Variants in PI4KA observed in about 807,000 individuals in gnomAD.
The protein encoded by PI4KA is phosphatidylinositol 4-kinase alpha.
PI4KA carries 122 observed loss-of-function variants against 271.4 expected under a neutral mutation model. The observed-to-expected ratio is 0.45, with a 90% CI of 0.39 to 0.52. The LOEUF is 0.52. Among genes scored for constraint, PI4KA ranks in the 20% least tolerant of loss-of-function variants. PI4KA has a pLI of 0.00. For missense variants in PI4KA, 1,969 were observed against 2,769.1 expected, an observed-to-expected ratio of 0.71 and a Z score of 6.48; for synonymous variants, 1,041 against 1,078.8, an observed-to-expected ratio of 0.96 and a Z score of 0.69.
At chr22:20,826,675 G>T (rs1242515583) in intron 3 of PI4KA, among the ~76,000 whole-genome samples, 1 of 152,156 alleles carries the variant, frequency 6.6e-6, no homozygotes, top group African/African-American at 2.4e-5. Context: ...CCAGCAGTGT[G>T]TAAGTGTTCC....
intron 48 of PI4KA, 130 bp downstream of exon 48, chr22:20,713,151 G>A (rs1304812992): frequency 5.2e-6 from 4 of 769,854 alleles, no homozygotes; most frequent in Admixed American, 2.1e-5. Context: ...TTTACCCCGT[G>A]GCACCTGAAC....
At position 20,765,100 on chromosome 22, in the gene PI4KA, G is replaced by A. The variant is rs528920395; in HGVS notation, c.2574C>T (p.Pro858=). The A allele has an allele frequency of 5.6e-5, 91 of 1,611,620 alleles. No individual in the cohort carries two copies. Among genetic ancestry groups the A allele is most frequent in the Non-Finnish European group, 6.8e-5 (80 of 1,178,508 alleles). Residue 858 remains proline, a splice_region_variant and synonymous_variant, in exon 21 of 55, where the codon CCC becomes CCT. Coordinates refer to ENST00000255882, the MANE Select transcript of PI4KA (RefSeq NM_058004.4). ...GTAAAAATGAGATGTGAATCCTTAC[G>A]GGGGTGACCGTGTCATTCTTCATGG... ...NSAMKNDTVT[P]AELSELRSTI... is the part of the protein sequence containing the mutation.
At chr22:20,744,494 C>CG in intron 30 of PI4KA, 134 bp downstream of exon 30, 1 of 627,696 alleles carries the variant, frequency 1.6e-6, no homozygotes, top group Non-Finnish European at 2.8e-6. Context: ...AAAATGTGCT[C>CG]TTTAAATCCT....
chr22:20,792,699 C>T (rs951003022), intron 19 of PI4KA, among the ~76,000 whole-genome samples: 4 of 152,198 alleles, frequency 2.6e-5, no homozygotes, highest in Admixed American at 2.0e-4. Flanking sequence ...CTCTCCAACA[C>T]GATGGTGCCA....
intron 13 of PI4KA, among the ~76,000 whole-genome samples, chr22:20,802,644 T>G (rs1188808528): frequency 1.3e-5 from 2 of 152,198 alleles, no homozygotes; most frequent in Non-Finnish European, 2.9e-5. Flanking sequence ...CAAGCCATCC[T>G]ACAACTTCAG....
At chr22:20,718,541 C>T in intron 44 of PI4KA, 152 bp downstream of exon 44, 1 of 898,936 alleles carries the variant, frequency 1.1e-6, no homozygotes, top group Admixed American at 2.3e-5. Flanking sequence ...CCTGGCTGTC[C>T]ATCAGAACCA....
chr22:20,737,742 C>T (rs1179229899), intron 32 of PI4KA, among the ~76,000 whole-genome samples: 1 of 151,936 alleles, frequency 6.6e-6, no homozygotes, highest in Non-Finnish European at 1.5e-5. Flanking sequence ...AGCGATTCTC[C>T]TGCCTCAGCC....
intron 19 of PI4KA, among the ~76,000 whole-genome samples, chr22:20,792,481 A>C (rs1196800094): frequency 1.3e-5 from 2 of 152,204 alleles, no homozygotes; most frequent in Non-Finnish European, 2.9e-5. Flanking sequence ...GGTGAGGAGG[A>C]GGGAAGGCAC....
chr22:20,858,691 C>T lies in PI4KA; in HGVS notation c.35G>A (p.Gly12Glu). 1 of 1,469,246 alleles carries T rather than the reference C, an allele frequency of 6.8e-7. No homozygotes were observed. Among genetic ancestry groups the T allele is most frequent in the Non-Finnish European group, 9.0e-7 (1 of 1,115,712 alleles). 91.0% of individuals were successfully genotyped at this position (1,469,246 alleles called of 1,614,324 possible). A position where few individuals can be genotyped will look rare whatever the true frequency, so the allele number is the denominator to read the frequency against. The change falls in exon 1 of 55, where the codon GGA (glycine) becomes GAA (glutamate). Residue 12 changes from glycine to glutamate, a missense_variant. Gly to Glu is a moderately conservative substitution (Grantham distance 98, BLOSUM62 -2). Transcript: ENST00000255882. The part of the protein sequence containing the change: ...AAAPARGGGG[G>E]GGGGGGCSGS... ...GGAGCAGCCGCCGCCGCCTCCGCCT[C>T]CGCCTCCGCCTCCCCGGGCCGGGGC...
At chr22:20,842,201 C>T (rs1186573903) in intron 1 of PI4KA, among the ~76,000 whole-genome samples, 1 of 151,726 alleles carries the variant, frequency 6.6e-6, no homozygotes, top group Non-Finnish European at 1.5e-5. Context: ...GCACTCCAGC[C>T]TGGGCAACAG....
chr22:20,799,289 G>A lies in PI4KA; in HGVS notation c.1821-13C>T, dbSNP rs995271866. The A allele has an allele frequency of 6.6e-7, 1 of 1,510,728 alleles. No homozygotes were observed. Among genetic ancestry groups the A allele is most frequent in the Non-Finnish European group, 8.8e-7 (1 of 1,133,438 alleles). The allele number at this position is 1,510,728 out of a possible 1,614,324, so 93.6% of individuals were successfully genotyped here. On this transcript the variant is annotated splice_polypyrimidine_tract_variant and intron_variant, in intron 15 of 54. Transcript: ENST00000255882. ...CAAGTGAGCGTCCCTACAGAAGGAA[G>A]AACAGAAGCGCCCTAGCAACAGTCC...
At position 20,707,807 on chromosome 22, in the gene PI4KA, A is replaced by G. The variant is rs940312923; in HGVS notation, c.*240T>C. On this transcript the variant is annotated 3_prime_UTR_variant, in exon 55 of 55. Transcript: ENST00000255882. ...AATAAGACAGGTAGGGAATATGTCC[A>G]GTGCAAACAGAGGACTCACACCTGT... 41 of 599,946 alleles carry G rather than the reference A, an allele frequency of 6.8e-5. No individual in the cohort carries two copies. The African/African-American group carries it at 7.3e-4, about 11-fold the overall frequency. The allele number at this position is 599,946 out of a possible 1,614,324, so 37.2% of individuals were successfully genotyped here. A position where few individuals can be genotyped will look rare whatever the true frequency, so the allele number is the denominator to read the frequency against.
At chr22:20,720,484 C>CA (rs892806978) in intron 43 of PI4KA, among the ~76,000 whole-genome samples, 36 of 152,192 alleles carry the variant, frequency 2.4e-4, no homozygotes, top group Admixed American at 2.1e-3. Context: ...CCCAGGTGGT[C>CA]AAGGCTGCAG....
chr22:20,761,394 G>T lies in PI4KA; in HGVS notation c.2709-8C>A. 1 of 1,592,244 alleles carries T rather than the reference G, an allele frequency of 6.3e-7. No homozygotes were observed. Among genetic ancestry groups the T allele is most frequent in the South Asian group, 1.1e-5 (1 of 90,656 alleles). ...TCTGTTGAACGCAGTACCCTAAGAA[G>T]AAAACAGCTTTAAATAAATTTTGAA... On this transcript the variant is annotated splice_polypyrimidine_tract_variant and splice_region_variant and intron_variant, in intron 22 of 54. Transcript: ENST00000255882.
Position 20,858,779 on chromosome 22 carries a change from G to A in PI4KA, c.-54C>T, listed in dbSNP as rs1054470663. 6 of 1,365,986 alleles carry A rather than the reference G, an allele frequency of 4.4e-6. No homozygotes were observed. The highest frequency in any genetic ancestry group is 3.0e-5 in the African/African-American group (2 of 65,616). 84.6% of individuals were successfully genotyped at this position (1,365,986 alleles called of 1,614,324 possible). A position where few individuals can be genotyped will look rare whatever the true frequency, so the allele number is the denominator to read the frequency against. On this transcript the variant is annotated 5_prime_UTR_variant, in exon 1 of 55. Transcript: ENST00000255882. ...GGCTCCCCGCTCCTGGCCCGCGAGC[G>A]CCCGACCTCAGGGCGCAGGCGTAGG...
Position 20,819,885 on chromosome 22 carries a change from T to C in PI4KA, c.545A>G (p.Tyr182Cys), listed in dbSNP as rs1380465941. Reference sequence around the variant, plus strand: ...GATTCCTATCAGGCATGGGATAGCATACTTGCAAAGGTATTCTAGAAGATC... The same window carrying C: ...GATTCCTATCAGGCATGGGATAGCACACTTGCAAAGGTATTCTAGAAGATC... ...EIQDKEYLCK[Y>C]AIPCLIGISR... Residue 182 changes from tyrosine to cysteine, a missense_variant, in exon 6 of 55, where the codon TAT becomes TGT. Transcript: ENST00000255882. 1 of 1,613,884 alleles carries C rather than the reference T, an allele frequency of 6.2e-7. No individual in the cohort carries two copies. The highest frequency in any genetic ancestry group is 1.7e-5 in the Admixed American group (1 of 60,024).
chr22:20,746,262 C>T (rs1930094253), intron 29 of PI4KA, among the ~76,000 whole-genome samples: 2 of 151,910 alleles, frequency 1.3e-5, no homozygotes, highest in Non-Finnish European at 2.9e-5. Context: ...CGGGGTTTCA[C>T]CGTGTTGGCC....
intron 1 of PI4KA, among the ~76,000 whole-genome samples, chr22:20,857,650 G>A (rs181120354): frequency 6.6e-6 from 1 of 152,298 alleles, no homozygotes; most frequent in African/African-American, 2.4e-5. Flanking sequence ...CCCACTCTGT[G>A]CCTTGACCTG....
chr22:20,830,762 G>A (rs1215179685), intron 3 of PI4KA, among the ~76,000 whole-genome samples: 1 of 151,984 alleles, frequency 6.6e-6, no homozygotes, highest in Non-Finnish European at 1.5e-5. Flanking sequence ...GGTGTGTTTT[G>A]TTATTGTTGT....
Sources: gnomAD v4.1 joint callset for allele counts (sites outside exome capture counted in the v4.1 genomes callset) on GRCh38, gnomAD v4.1.1 for gene constraint, MANE v1.5 for transcripts, NCBI Gene and HGNC (gene_info 2026-07-23, HGNC 2026-07-21) for gene names.